IPO11: variants seen among roughly 807,000 people sequenced by gnomAD.
The protein encoded by IPO11 is importin 11.
Under a neutral mutation model 143.2 loss-of-function variants are expected in IPO11, and 66 were observed. The observed-to-expected ratio is 0.46, with a 90% CI of 0.38 to 0.57. IPO11 has a LOEUF of 0.57. Among genes scored for constraint, IPO11 ranks in the 20% least tolerant of loss-of-function variants. IPO11 has a pLI of 0.00. For missense variants in IPO11, 1,026 were observed against 1,141.0 expected (o/e 0.90, Z 1.45); for synonymous variants, 385 against 377.8 (o/e 1.02, Z -0.22).
chr5:62,539,573 G>T (rs1418234221), intron 24 of IPO11, among the ~76,000 whole-genome samples: 1 of 152,150 alleles, frequency 6.6e-6, no homozygotes, highest in Admixed American at 6.5e-5. Context: ...AATCATGTGG[G>T]CTCTAAAGGA....
chr5:62,489,981 TA>T (rs2112235695), intron 14 of IPO11, 133 bp from the exon 15 acceptor site: 1 of 431,630 alleles, frequency 2.3e-6, no homozygotes, highest in East Asian at 3.7e-5. Flanking sequence ...TTCTTCTACT[TA>T]AATTATTTCT....
At chr5:62,459,094 T>TC (rs1445577326) in intron 5 of IPO11, among the ~76,000 whole-genome samples, 1 of 152,008 alleles carries the variant, frequency 6.6e-6, no homozygotes, top group Admixed American at 6.5e-5. Flanking sequence ...GTAGTTTTAC[T>TC]CTTTTTTTTT....
At chr5:62,614,638 A>G (rs948815293) in intron 29 of IPO11, among the ~76,000 whole-genome samples, 5 of 152,156 alleles carry the variant, frequency 3.3e-5, no homozygotes, top group African/African-American at 1.2e-4. Flanking sequence ...AGCCAGGGCA[A>G]ATACCCCTGG....
chr5:62,532,542 G>A (rs930602743), intron 22 of IPO11, among the ~76,000 whole-genome samples: 13 of 151,988 alleles, frequency 8.6e-5, no homozygotes, highest in Admixed American at 3.9e-4. Context: ...ATTTTTAGTA[G>A]TGATGGGGTT....
intron 26 of IPO11, among the ~76,000 whole-genome samples, chr5:62,555,349 C>T (rs1035501867): frequency 3.3e-5 from 5 of 151,562 alleles, no homozygotes; most frequent in African/African-American, 1.2e-4. Flanking sequence ...GAGTCTCACT[C>T]CATCATCCAG....
intron 24 of IPO11, among the ~76,000 whole-genome samples, chr5:62,545,953 T>C (rs1426915427): frequency 6.6e-6 from 1 of 152,138 alleles, no homozygotes; most frequent in East Asian, 1.9e-4. Context: ...AAACAACAGG[T>C]GCTGGAGAGG....
At chr5:62,513,278 C>G (rs766361902) in intron 19 of IPO11, among the ~76,000 whole-genome samples, 2 of 135,262 alleles carry the variant, frequency 1.5e-5, no homozygotes, top group Non-Finnish European at 3.3e-5. Context: ...CCCCCCACCT[C>G]CCTCCCGGAC....
chr5:62,554,677 G>A (rs1300834184), intron 26 of IPO11, among the ~76,000 whole-genome samples: 1 of 126,926 alleles, frequency 7.9e-6, no homozygotes, highest in Non-Finnish European at 1.6e-5. Context: ...TGTATTTGTA[G>A]TATATATACT....
chr5:62,590,699 G>A (rs909531985), intron 27 of IPO11, among the ~76,000 whole-genome samples: 14 of 151,844 alleles, frequency 9.2e-5, no homozygotes, highest in African/African-American at 3.4e-4. Context: ...TTTCCTTCTT[G>A]GACGTTATAA....
intron 1 of IPO11, among the ~76,000 whole-genome samples, chr5:62,426,813 T>A (rs1743758932): frequency 6.7e-6 from 1 of 148,954 alleles, no homozygotes; most frequent in Non-Finnish European, 1.5e-5. Flanking sequence ...TTTTAATTTT[T>A]ATTTTTTTAT....
intron 29 of IPO11, among the ~76,000 whole-genome samples, chr5:62,616,417 A>G (rs554390872): frequency 2.6e-5 from 4 of 152,142 alleles, no homozygotes; most frequent in Non-Finnish European, 2.9e-5. Context: ...TTAAAAATAT[A>G]TATACATCTG....
intron 19 of IPO11, among the ~76,000 whole-genome samples, chr5:62,513,721 C>T (rs1365588335): frequency 1.5e-3 from 213 of 142,418 alleles, no homozygotes; most frequent in Middle Eastern, 4.7e-3. Context: ...GGCGGCTGGC[C>T]GGGTGGGGGG....
chr5:62,589,950 G>A (rs1744951056), intron 27 of IPO11, among the ~76,000 whole-genome samples: 1 of 152,180 alleles, frequency 6.6e-6, no homozygotes, highest in Non-Finnish European at 1.5e-5. Flanking sequence ...TGAGCTGTGG[G>A]CTCAGTGGAA....
At chr5:62,608,465 T>C (rs577071226) in intron 29 of IPO11, among the ~76,000 whole-genome samples, 2 of 152,318 alleles carry the variant, frequency 1.3e-5, no homozygotes, top group East Asian at 3.9e-4. Flanking sequence ...TGACACTCTT[T>C]TAAGAAAGAC....
rs1744057982 is a variant in IPO11 at position 62,433,224 on chromosome 5, A to T, written c.-6-4050A>T. Among the ~76,000 whole-genome samples, 4 of 151,738 alleles carry T rather than the reference A, an allele frequency of 2.6e-5. No homozygotes were observed. The South Asian group carries it at 6.2e-4, about 24-fold the overall frequency. On this transcript the variant is annotated intron_variant, in intron 1 of 29. Coordinates refer to ENST00000325324, the MANE Select transcript of IPO11 (RefSeq NM_016338.5). ...ACTTGCTGGGGTTATTGTATGTGTG[A>T]AATGCCCTAAAACTAATGACAAACA...
intron 2 of IPO11, among the ~76,000 whole-genome samples, chr5:62,438,927 C>T (rs377408480): frequency 1.3e-5 from 2 of 151,876 alleles, no homozygotes; most frequent in South Asian, 2.1e-4. Context: ...GGCATGGTGG[C>T]GGGCGCCTGT....
intron 2 of IPO11, among the ~76,000 whole-genome samples, chr5:62,442,003 G>T (rs1744500604): frequency 6.6e-6 from 1 of 150,624 alleles, no homozygotes; most frequent in African/African-American, 2.4e-5. Flanking sequence ...GCGCCACCAT[G>T]CCCAGCTAAT....
At chr5:62,541,994 C>G (rs1444108683) in intron 24 of IPO11, among the ~76,000 whole-genome samples, 1 of 152,124 alleles carries the variant, frequency 6.6e-6, no homozygotes, top group Admixed American at 6.5e-5. Flanking sequence ...TATAAAATCA[C>G]TTAAGCTGAG....
At chr5:62,616,854 C>A (rs921186430) in intron 29 of IPO11, among the ~76,000 whole-genome samples, 28 of 152,016 alleles carry the variant, frequency 1.8e-4, no homozygotes, top group African/African-American at 6.5e-4. Flanking sequence ...AATTTTTAGC[C>A]CCTTATTCAT....
Sources: allele counts gnomAD v4.1 joint callset (sites outside exome capture counted in the v4.1 genomes callset), GRCh38; gene constraint gnomAD v4.1.1; transcripts MANE v1.5; gene names NCBI Gene and HGNC (gene_info 2026-07-23, HGNC 2026-07-21).